The following INKA2 variants were observed in gnomAD, a reference collection of about 807,000 sequenced individuals.
INKA2 encodes the protein PAK4-inhibitor INKA2.
A neutral mutation model predicts 9.8 loss-of-function variants in INKA2; 3 were observed. That is an observed-to-expected ratio of 0.31 (90% CI 0.14 to 0.79). The LOEUF is 0.79. Among genes scored for constraint, INKA2 ranks in the 30% least tolerant of loss-of-function variants. The pLI, the probability that INKA2 is intolerant of heterozygous loss-of-function variation, is 0.62. For missense variants in INKA2, 392 were observed against 384.4 expected (o/e 1.02, Z -0.17); for synonymous variants, 147 against 143.3 (o/e 1.03, Z -0.18).
chr1:111,723,065 A>C lies in INKA2; in HGVS notation c.*3903T>G. On this transcript the variant is annotated 3_prime_UTR_variant, in exon 2 of 2. Coordinates refer to ENST00000357260, the MANE Select transcript of INKA2 (RefSeq NM_019099.5). Reference sequence around the variant, plus strand: ...AGGGGGCTCTCAAATCTTAACTCCAAGTCTAGTGCTCATACCATGGTGCTG... The same window carrying C: ...AGGGGGCTCTCAAATCTTAACTCCACGTCTAGTGCTCATACCATGGTGCTG... 2 of 702,018 alleles carry C rather than the reference A, an allele frequency of 2.8e-6. No homozygotes were observed. Among genetic ancestry groups the C allele is most frequent in the South Asian group, 3.0e-5 (2 of 67,584 alleles). The allele number at this position is 702,018 out of a possible 1,614,324, so 43.5% of individuals were successfully genotyped here.
chr1:111,739,553 A>G, upstream of INKA2: 1 of 668,958 alleles, frequency 1.5e-6, no homozygotes, highest in Non-Finnish European at 2.2e-6. Flanking sequence ...GTGTTTGCAC[A>G]GGACCCGGGC....
chr1:111,722,611 C>G lies in INKA2; in HGVS notation c.*4357G>C, dbSNP rs1342688278. 1 of 155,078 alleles carries G rather than the reference C, an allele frequency of 6.4e-6. No individual in the cohort carries two copies. The highest frequency in any genetic ancestry group is 1.4e-5 in the Non-Finnish European group (1 of 69,716). The allele number at this position is 155,078 out of a possible 1,614,324, so 9.6% of individuals were successfully genotyped here. A position where few individuals can be genotyped will look rare whatever the true frequency, so the allele number is the denominator to read the frequency against. On this transcript the variant is annotated 3_prime_UTR_variant, in exon 2 of 2. Transcript: ENST00000357260. ...AGCTCAGCCTTTCTCCACCTCCACA[C>G]CCCCCGCCTCCCCAGTGCATGTCAT...
At chr1:111,748,284 G>A (rs1484402613) in intron 1 of INKA2, among the ~76,000 whole-genome samples, 6 of 152,364 alleles carry the variant, frequency 3.9e-5, no homozygotes, top group South Asian at 2.1e-4. Context: ...GTTGGAGGCA[G>A]TGTGTGCCAG....
intron 1 of INKA2, among the ~76,000 whole-genome samples, chr1:111,731,901 T>C (rs1054786076): frequency 6.6e-6 from 1 of 152,188 alleles, no homozygotes; most frequent in Non-Finnish European, 1.5e-5. Flanking sequence ...AAGGTCCTGT[T>C]TTTTCCCTCC....
At chr1:111,749,633 G>A (rs1663355517) in intron 1 of INKA2, among the ~76,000 whole-genome samples, 1 of 152,164 alleles carries the variant, frequency 6.6e-6, no homozygotes. Flanking sequence ...TTCAAGGGAA[G>A]CCCTTACTTA....
At chr1:111,727,953 T>C (rs776385436) in intron 1 of INKA2, 149 bp from the exon 2 acceptor site, 1 of 728,590 alleles carries the variant, frequency 1.4e-6, no homozygotes, top group Non-Finnish European at 2.4e-6. Flanking sequence ...CCTAGTGCAG[T>C]GCAGATCAGT....
intron 1 of INKA2, among the ~76,000 whole-genome samples, chr1:111,738,958 C>T (rs1663074625): frequency 6.6e-6 from 1 of 152,198 alleles, no homozygotes; most frequent in Non-Finnish European, 1.5e-5. Flanking sequence ...CCCTCTGTCT[C>T]TCTGTCACTT....
chr1:111,755,796 C>G (rs986508638), exon 1 of INKA2: 3 of 1,608,824 alleles, frequency 1.9e-6, no homozygotes, highest in African/African-American at 1.3e-5. Flanking sequence ...ACTCCCGTCC[C>G]TTTCTTCCAC....
intron 1 of INKA2, among the ~76,000 whole-genome samples, chr1:111,735,851 G>A (rs1401430704): frequency 6.6e-6 from 1 of 152,168 alleles, no homozygotes; most frequent in Non-Finnish European, 1.5e-5. Context: ...GCCTCAGCTA[G>A]GACAGACATT....
chr1:111,739,078 C>T (rs1471631358), intron 1 of INKA2, 108 bp downstream of exon 1: 4 of 1,071,434 alleles, frequency 3.7e-6, no homozygotes, highest in Non-Finnish European at 5.7e-6. Flanking sequence ...TCTTCCCTGG[C>T]CCTCCTCCGC....
intron 1 of INKA2, among the ~76,000 whole-genome samples, chr1:111,749,634 C>G (rs1290522773): frequency 6.6e-6 from 1 of 152,200 alleles, no homozygotes; most frequent in Middle Eastern, 3.2e-3. Context: ...TCAAGGGAAG[C>G]CCTTACTTAG....
chr1:111,752,424 GCT>G (rs1247813005), intron 1 of INKA2, among the ~76,000 whole-genome samples: 1 of 152,180 alleles, frequency 6.6e-6, no homozygotes, highest in Non-Finnish European at 1.5e-5. Flanking sequence ...AAGTGCAGAG[GCT>G]CTGTTTACTT....
In INKA2 at chr1:111,739,262, G is replaced by A. The variant is rs776602210; in HGVS notation, c.-20C>T. On this transcript the variant is annotated 5_prime_UTR_variant, in exon 1 of 2. Transcript: ENST00000357260. ...CGTCATGCGCCCATTTGTCGGGTTC[G>A]GTTCAAACAGAGAGGGCCCGGGTGA... 5 of 1,613,558 alleles carry A rather than the reference G, an allele frequency of 3.1e-6. No homozygotes were observed. In the Admixed American group the frequency reaches 6.7e-5, roughly 22 times the overall value.
At chr1:111,738,720 G>A (rs1370434260) in intron 1 of INKA2, among the ~76,000 whole-genome samples, 2 of 152,208 alleles carry the variant, frequency 1.3e-5, no homozygotes, top group African/African-American at 4.8e-5. Context: ...CTGACCTCGT[G>A]CCCGCGCAGG....
Position 111,728,070 on chromosome 1 carries a change from C to CACACACAT in INKA2, c.58-267_58-266insATGTGTGT, listed in dbSNP as rs1184555425. On this transcript the variant is annotated intron_variant, in intron 1 of 1. Transcript: ENST00000357260. ...ACACACACACACACACACACACACA[C>CACACACAT]ACAGACATTTCATCTCCCCAACTAC... Among the ~76,000 whole-genome samples the CACACACAT allele has an allele frequency of 2.2e-4, 33 of 148,266 alleles. 2 individuals carry two copies. The highest frequency in any genetic ancestry group is 5.3e-4 in the Admixed American group (8 of 14,994).
At chr1:111,755,157 C>CATGGAGGCGGATGCGGAGGCGGATGCAT (rs774584322) in intron 1 of INKA2, 3 of 158,632 alleles carry the variant, frequency 1.9e-5, no homozygotes, top group African/African-American at 7.2e-5. Context: ...GAGGCGGATG[C>CATGGAGGCGGATGCGGAGGCGGATGCAT]GGAGGCGGAT....
At position 111,728,038 on chromosome 1, in the gene INKA2, TACACACACACACACAC is replaced by T. The variant is rs60867844; in HGVS notation, c.58-250_58-235del. Among the ~76,000 whole-genome samples the T allele has an allele frequency of 7.9e-4, 86 of 109,518 alleles. 1 individual carries two copies. The East Asian group carries it at 0.018, about 23-fold the overall frequency. 71.8% of individuals were successfully genotyped at this position (109,518 alleles called of 152,430 possible). On this transcript the variant is annotated intron_variant, in intron 1 of 1. Coordinates refer to ENST00000357260, the MANE Select transcript of INKA2 (RefSeq NM_019099.5). ...GTCCTGAGAAGGCTCCCCCACCCCATACACACACACACACACACACACACACACACACACAGACATT... is the reference window on the plus strand; with the variant it reads ...GTCCTGAGAAGGCTCCCCCACCCCATACACACACACACACACACAGACATT...
chr1:111,745,406 C>T (rs1031951225), intron 1 of INKA2: 1 of 148,700 alleles, frequency 6.7e-6, no homozygotes, highest in Non-Finnish European at 1.5e-5. Context: ...AGGTGATCCT[C>T]CCACCTAAGC....
At position 111,723,402 on chromosome 1, in the gene INKA2, A is replaced by C. The variant is rs536000994; in HGVS notation, c.*3566T>G. ...CAAGTCTGAAAGGTTGGGAAGAGAA[A>C]GGGAGGAGGGAGACCAGGCCGGCCC... is the stretch of plus-strand genomic sequence containing the variant. On this transcript the variant is annotated 3_prime_UTR_variant, in exon 2 of 2. Transcript: ENST00000357260. 5.0e-6 allele frequency: 2 copies of C among 399,560 alleles called. No homozygotes were observed. Among genetic ancestry groups the C allele is most frequent in the East Asian group, 3.9e-5 (1 of 25,546 alleles). The allele number at this position is 399,560 out of a possible 1,614,324, so 24.8% of individuals were successfully genotyped here.
Sources: gnomAD v4.1 joint callset for allele counts (sites outside exome capture counted in the v4.1 genomes callset) on GRCh38, gnomAD v4.1.1 for gene constraint, MANE v1.5 for transcripts, NCBI Gene and HGNC (gene_info 2026-07-23, HGNC 2026-07-21) for gene names.